Variants in CTNNA3 observed in about 807,000 individuals in gnomAD.
CTNNA3 encodes catenin alpha-3.
CTNNA3 carries 76 observed loss-of-function variants against 95.7 expected under a neutral mutation model. The observed-to-expected ratio is 0.79, with a 90% CI of 0.66 to 0.96. The LOEUF is 0.96. CTNNA3 is among the 40% of genes least tolerant of loss of function. The pLI, the probability that CTNNA3 is intolerant of heterozygous loss-of-function variation, is 0.00. For missense variants in CTNNA3, 1,191 were observed against 1,089.8 expected, an observed-to-expected ratio of 1.09 and a Z score of -1.31; for synonymous variants, 431 against 374.4, an observed-to-expected ratio of 1.15 and a Z score of -1.74.
chr10:66,714,901 G>A (rs77169981), intron 9 of CTNNA3, among the ~76,000 whole-genome samples: 3 of 152,122 alleles, frequency 2.0e-5, no homozygotes, highest in Admixed American at 1.3e-4. Flanking sequence ...TTCTTGGGAA[G>A]ACGTGTAATA....
intron 2 of CTNNA3, among the ~76,000 whole-genome samples, chr10:67,629,020 A>ACC (rs1365271607): frequency 6.6e-6 from 1 of 151,812 alleles, no homozygotes; most frequent in African/African-American, 2.4e-5. Flanking sequence ...AAAAAAAAAA[A>ACC]CTGGACTCAT....
intron 12 of CTNNA3, among the ~76,000 whole-genome samples, chr10:66,344,192 A>T (rs1441071421): frequency 1.4e-5 from 2 of 144,272 alleles, no homozygotes; most frequent in Non-Finnish European, 3.0e-5. Context: ...GCACCATTGC[A>T]CTCCAGCCTG....
chr10:67,719,686 C>A (rs1841166579), intron 1 of CTNNA3, among the ~76,000 whole-genome samples: 2 of 152,064 alleles, frequency 1.3e-5, no homozygotes, highest in East Asian at 3.8e-4. Context: ...GATTTCCATT[C>A]TTTTGCATTT....
chr10:66,331,615 T>A lies in CTNNA3; in HGVS notation c.1732+47537A>T, dbSNP rs539467007. Among the ~76,000 whole-genome samples, 23 of 152,080 alleles carry A rather than the reference T, an allele frequency of 1.5e-4. No individual in the cohort carries two copies. In the East Asian group the frequency reaches 4.4e-3, roughly 29 times the overall value. On this transcript the variant is annotated intron_variant, in intron 12 of 17. Coordinates refer to ENST00000433211, the MANE Select transcript of CTNNA3 (RefSeq NM_013266.4). ...TTGTCAAATATCAGATAGTTGTAGATATGCAGCATTATTTCTGAGGGCTCT... is the reference window on the plus strand; with the variant it reads ...TTGTCAAATATCAGATAGTTGTAGAAATGCAGCATTATTTCTGAGGGCTCT...
chr10:66,850,311 C>T (rs996111655), intron 7 of CTNNA3, among the ~76,000 whole-genome samples: 18 of 152,134 alleles, frequency 1.2e-4, no homozygotes, highest in African/African-American at 4.1e-4. Context: ...CATGTTTATA[C>T]TTGCATTCCT....
intron 9 of CTNNA3, among the ~76,000 whole-genome samples, chr10:66,698,640 C>T (rs1319575308): frequency 1.3e-5 from 2 of 152,084 alleles, no homozygotes; most frequent in Admixed American, 6.6e-5. Flanking sequence ...AAATAGTTCA[C>T]GTAAGATGCA....
At chr10:66,527,050 A>G (rs1422459310) in intron 10 of CTNNA3, among the ~76,000 whole-genome samples, 1 of 152,052 alleles carries the variant, frequency 6.6e-6, no homozygotes, top group Non-Finnish European at 1.5e-5. Context: ...TAAGAGTTCT[A>G]TATTTTTAGT....
rs1306045700 is a variant in CTNNA3, at chr10:67,607,050, C to A, written c.100-1G>T. On this transcript the variant is annotated splice_acceptor_variant, in intron 2 of 17. Transcript: ENST00000433211. LOFTEE classifies it high-confidence loss of function. ...GGGGACAGTTTACAAGTGTGGTAAC[C>A]TAAAATTGGAAAAATACAAAGTACT... The A allele has an allele frequency of 1.2e-6, 2 of 1,606,494 alleles. No individual in the cohort carries two copies. Among genetic ancestry groups the A allele is most frequent in the South Asian group, 1.1e-5 (1 of 90,000 alleles).
intron 15 of CTNNA3, among the ~76,000 whole-genome samples, chr10:65,998,335 T>C (rs1175801746): frequency 2.6e-5 from 4 of 152,218 alleles, no homozygotes. Flanking sequence ...GATGTACAAC[T>C]GGACTGAAAT....
At chr10:67,549,087 T>C (rs1840934498) in intron 3 of CTNNA3, among the ~76,000 whole-genome samples, 1 of 152,080 alleles carries the variant, frequency 6.6e-6, no homozygotes, top group South Asian at 2.1e-4. Context: ...TTGAATAAGT[T>C]TTTTTTATTA....
intron 9 of CTNNA3, among the ~76,000 whole-genome samples, chr10:66,724,628 AG>A (rs1350747613): frequency 6.6e-6 from 1 of 152,212 alleles, no homozygotes; most frequent in Non-Finnish European, 1.5e-5. Context: ...GAAATTTAAA[AG>A]CTTCATTGAA....
chr10:66,888,335 C>A (rs1370934403), intron 7 of CTNNA3, among the ~76,000 whole-genome samples: 1 of 152,158 alleles, frequency 6.6e-6, no homozygotes, highest in African/African-American at 2.4e-5. Context: ...TCCCCTGGAA[C>A]CTCCAGAAAG....
At chr10:67,482,099 T>C (rs1013464478) in intron 5 of CTNNA3, among the ~76,000 whole-genome samples, 78 of 152,122 alleles carry the variant, frequency 5.1e-4, no homozygotes, top group African/African-American at 1.8e-3. Flanking sequence ...TTCTGTTCCA[T>C]TGATCTATAT....
At chr10:67,268,829 A>C (rs1866937388) in intron 5 of CTNNA3, among the ~76,000 whole-genome samples, 3 of 152,210 alleles carry the variant, frequency 2.0e-5, no homozygotes, top group Admixed American at 1.3e-4. Flanking sequence ...GTTGGGGATA[A>C]AAGTTAAAAT....
At chr10:66,995,817 G>A (rs1422061181) in intron 7 of CTNNA3, among the ~76,000 whole-genome samples, 1 of 152,010 alleles carries the variant, frequency 6.6e-6, no homozygotes, top group Non-Finnish European at 1.5e-5. Flanking sequence ...AAGCATTACT[G>A]CCTCTACAAA....
chr10:67,528,475 C>T (rs1840215876), intron 4 of CTNNA3, among the ~76,000 whole-genome samples: 1 of 152,078 alleles, frequency 6.6e-6, no homozygotes, highest in Non-Finnish European at 1.5e-5. Flanking sequence ...TCATCTCAGC[C>T]ATTCAGGACT....
At position 67,060,569 on chromosome 10, in the gene CTNNA3, A is replaced by G. The variant is rs555264588; in HGVS notation, c.1047+119748T>C. Among the ~76,000 whole-genome samples the G allele has an allele frequency of 7.2e-5, 11 of 152,310 alleles. No individual in the cohort carries two copies. The South Asian group carries it at 2.3e-3, about 32-fold the overall frequency. On this transcript the variant is annotated intron_variant, in intron 7 of 17. Coordinates refer to ENST00000433211, the MANE Select transcript of CTNNA3 (RefSeq NM_013266.4). ...AGCACCAGATAACACATTCTAGTTC[A>G]TGGGCACTAGTGGAAAGGATTTGTG...
chr10:66,708,266 A>C (rs2132595407), intron 9 of CTNNA3, among the ~76,000 whole-genome samples: 1 of 151,926 alleles, frequency 6.6e-6, no homozygotes, highest in South Asian at 2.1e-4. Flanking sequence ...AGCTTAAACA[A>C]CATAAATTTA....
intron 13 of CTNNA3, among the ~76,000 whole-genome samples, chr10:66,249,836 G>GAAAC (rs943853207): frequency 6.6e-6 from 1 of 151,910 alleles, no homozygotes; most frequent in South Asian, 2.1e-4. Context: ...AACAAACAAA[G>GAAAC]AAACAAACAA....
Sources: allele counts gnomAD v4.1 joint callset (sites outside exome capture counted in the v4.1 genomes callset), GRCh38; gene constraint gnomAD v4.1.1; transcripts MANE v1.5; gene names NCBI Gene and HGNC (gene_info 2026-07-23, HGNC 2026-07-21).